Variants in MMP17 observed in about 807,000 individuals in gnomAD.
MMP17 encodes the protein matrix metalloproteinase-17.
In MMP17, 54 loss-of-function variants were observed where a neutral mutation model predicts 49.1. The observed-to-expected ratio is 1.10, with a 90% confidence interval of 0.88 to 1.38. The LOEUF (loss-of-function observed/expected upper bound fraction) is 1.38, where lower values mean the gene tolerates loss of function less well. Ranked by LOEUF, MMP17 falls within the 40% of genes most tolerant of loss-of-function variation. MMP17 has a pLI of 0.00. For synonymous variants in MMP17, 397 were observed against 383.1 expected, an observed-to-expected ratio of 1.04 and a Z score of -0.42; for missense variants, 837 against 853.7, an observed-to-expected ratio of 0.98 and a Z score of 0.24.
chr12:131,844,600 C>G, intron 6 of MMP17: 1 of 217,488 alleles, frequency 4.6e-6, no homozygotes, highest in Non-Finnish European at 9.2e-6. Context: ...GAAGCTGTGA[C>G]CTTGTGCCAC....
intron 1 of MMP17, among the ~76,000 whole-genome samples, chr12:131,828,861 C>T (rs1023769926): frequency 1.3e-5 from 2 of 152,002 alleles, no homozygotes; most frequent in Non-Finnish European, 2.9e-5. Context: ...CCTGGGGAGG[C>T]GCCGGCTGCC....
intron 6 of MMP17, 173 bp downstream of exon 6, chr12:131,844,254 C>T (rs1478568954): frequency 8.1e-6 from 5 of 617,324 alleles, no homozygotes; most frequent in Middle Eastern, 3.9e-4. Flanking sequence ...AATACCGGCC[C>T]TCCCCTGCCA....
intron 1 of MMP17, among the ~76,000 whole-genome samples, chr12:131,831,633 C>T (rs11613077): frequency 0.049 from 7,359 of 151,264 alleles, 250 homozygotes; most frequent in Middle Eastern, 0.16. Context: ...CCTTGCTCCG[C>T]GGTCCCCTTC....
chr12:131,828,629 C>A lies in MMP17; in HGVS notation c.135C>A (p.Arg45=). The A allele has an allele frequency of 1.4e-6, 1 of 731,122 alleles. No homozygotes were observed. The highest frequency in any genetic ancestry group is 1.7e-6 in the Non-Finnish European group (1 of 577,060). The allele number at this position is 731,122 out of a possible 1,614,324, so 45.3% of individuals were successfully genotyped here. Reference sequence around the variant, plus strand: ...GCGCCGCGCCCGCACCCGCGCCGCGCGCCGAGGACCTCAGCCTGGGAGTGG... The same window carrying A: ...GCGCCGCGCCCGCACCCGCGCCGCGAGCCGAGGACCTCAGCCTGGGAGTGG... ...GGCAAPAPAP[R]AEDLSLGVEW... is the part of the protein sequence containing the mutation. The change falls in exon 1 of 10, where the codon CGC becomes CGA. Residue 45 remains arginine (R), a synonymous_variant. Transcript: ENST00000360564.
At position 131,845,235 on chromosome 12, in the gene MMP17, G is replaced by A. The variant is rs746347708; in HGVS notation, c.1051+35G>A. ...GGGTTCCCGTGGCGGTTGGCTGAGG[G>A]CCATGGCCCACTCTGGGTGCAGACC... On this transcript the variant is annotated intron_variant, in intron 7 of 9. Transcript: ENST00000360564. 9 of 1,613,946 alleles carry A rather than the reference G, an allele frequency of 5.6e-6. No individual in the cohort carries two copies. The South Asian group carries it at 9.9e-5, about 18-fold the overall frequency.
intron 8 of MMP17, among the ~76,000 whole-genome samples, chr12:131,848,844 C>G (rs921969070): frequency 1.3e-5 from 2 of 152,208 alleles, no homozygotes; most frequent in African/African-American, 4.8e-5. Context: ...CTACTCTGGG[C>G]TCCTGTGAAG....
intron 6 of MMP17, chr12:131,844,310 C>T (rs1887579855): frequency 3.7e-6 from 2 of 541,252 alleles, no homozygotes; most frequent in African/African-American, 4.0e-5. Flanking sequence ...TTTCCTCTCC[C>T]CCTCGTCCCT....
chr12:131,849,431 C>T (rs111797475), intron 8 of MMP17, among the ~76,000 whole-genome samples: 1 of 152,282 alleles, frequency 6.6e-6, no homozygotes, highest in East Asian at 1.9e-4. Flanking sequence ...TGCAGTGAAC[C>T]GAGATCAAGT....
intron 1 of MMP17, among the ~76,000 whole-genome samples, chr12:131,829,545 C>CT (rs1452339363): frequency 1.3e-5 from 2 of 152,198 alleles, no homozygotes; most frequent in Non-Finnish European, 2.9e-5. Context: ...CAATGGACTC[C>CT]TACCCAGGGA....
In MMP17 at chr12:131,831,331, G is replaced by A. The variant is rs796890829; in HGVS notation, c.159+2678G>A. On this transcript the variant is annotated intron_variant, in intron 1 of 9. Coordinates refer to ENST00000360564, the MANE Select transcript of MMP17 (RefSeq NM_016155.7). ...CCCACGGCACAGTGGCAGCTCCCTT[G>A]ATCTTCTGTAGGAGGTGGGGTGGGG... Among the ~76,000 whole-genome samples the A allele has an allele frequency of 2.0e-5, 3 of 151,326 alleles. No homozygotes were observed. In the East Asian group the frequency reaches 5.9e-4, roughly 30 times the overall value.
rs201665600 is a variant in MMP17, at chr12:131,851,057, T to C, written c.1595T>C (p.Val532Ala). Residue 532 changes from valine (V) to alanine (A), a missense_variant, in exon 10 of 10, where the codon GTG becomes GCG. By Grantham distance (64) the Val-to-Ala change is moderately conservative (BLOSUM62 0). Transcript: ENST00000360564. ...GGAGACTCACAGGCCGATGGATCTG[T>C]GGCTGCGGGCGTGGACGCGGCAGAG... is the stretch of plus-strand genomic sequence containing the variant. ...VCGDSQADGS[V>A]AAGVDAAEGP... The C allele has an allele frequency of 1.2e-4, 197 of 1,608,306 alleles. No individual in the cohort carries two copies. The African/African-American group carries it at 2.2e-3, about 18-fold the overall frequency.
At chr12:131,831,670 A>T (rs932778996) in intron 1 of MMP17, among the ~76,000 whole-genome samples, 1 of 149,696 alleles carries the variant, frequency 6.7e-6, no homozygotes, top group Non-Finnish European at 1.5e-5. Context: ...GGCTCCGGGG[A>T]TGTTGTTTGC....
chr12:131,838,268 T>G lies in MMP17; in HGVS notation c.233T>G (p.Leu78Arg). Reference sequence around the variant, plus strand: ...GGGCAGCTGCAGACGCAAGAGGAGCTGTCTAAGGCCATCACAGCCATGCAG... The same window carrying G: ...GGGCAGCTGCAGACGCAAGAGGAGCGGTCTAAGGCCATCACAGCCATGCAG... ...TTGQLQTQEE[L>R]SKAITAMQQF... Residue 78 changes from leucine to arginine, a missense_variant, in exon 2 of 10, where the codon CTG becomes CGG. Physicochemically the swap from Leu to Arg is moderately radical, Grantham distance 102 (BLOSUM62 -2). Transcript: ENST00000360564. 1 of 1,613,214 alleles carries G rather than the reference T, an allele frequency of 6.2e-7. No individual in the cohort carries two copies.
At chr12:131,843,150 A>G (rs576956266) in intron 5 of MMP17, among the ~76,000 whole-genome samples, 2 of 150,070 alleles carry the variant, frequency 1.3e-5, no homozygotes, top group African/African-American at 2.5e-5. Flanking sequence ...TTTTTTTTTT[A>G]GTAGAGACGG....
intron 1 of MMP17, 87 bp from the exon 2 acceptor site, chr12:131,838,108 C>T: frequency 4.1e-6 from 6 of 1,475,566 alleles, no homozygotes; most frequent in East Asian, 4.6e-5. Flanking sequence ...GGGGCCTGCC[C>T]GGAAGCAGTG....
chr12:131,849,074 A>G (rs1158555764), intron 8 of MMP17, among the ~76,000 whole-genome samples: 1 of 152,152 alleles, frequency 6.6e-6, no homozygotes, highest in Non-Finnish European at 1.5e-5. Flanking sequence ...GACACAGGTG[A>G]CTTTCCACGT....
At chr12:131,837,575 G>T (rs1460504884) in intron 1 of MMP17, among the ~76,000 whole-genome samples, 2 of 152,204 alleles carry the variant, frequency 1.3e-5, no homozygotes, top group Admixed American at 6.5e-5. Context: ...TTTGACACTG[G>T]CCACATTTAA....
At position 131,849,971 on chromosome 12, in the gene MMP17, G is replaced by A. The variant is rs750337417; in HGVS notation, c.1374G>A (p.Thr458=). The change falls in exon 9 of 10, where the codon ACG becomes ACA. Residue 458 remains threonine, a synonymous_variant. Coordinates refer to ENST00000360564, the MANE Select transcript of MMP17 (RefSeq NM_016155.7). ...DQLYWRYDDH[T]RHMDPGYPAQ... Reference sequence around the variant, plus strand: ...TGTACTGGCGCTACGATGACCACACGAGGCACATGGACCCCGGCTACCCCG... The same window carrying A: ...TGTACTGGCGCTACGATGACCACACAAGGCACATGGACCCCGGCTACCCCG... 8.7e-6 allele frequency: 14 copies of A among 1,613,778 alleles called. No individual in the cohort carries two copies. The highest frequency in any genetic ancestry group is 2.2e-5 in the East Asian group (1 of 44,894).
intron 1 of MMP17, among the ~76,000 whole-genome samples, chr12:131,832,260 G>T (rs1294487400): frequency 3.0e-5 from 1 of 33,080 alleles, no homozygotes; most frequent in Admixed American, 2.9e-4. Flanking sequence ...GGGAAGGCTG[G>T]AGAGGATCTG....
Sources: allele counts gnomAD v4.1 joint callset (sites outside exome capture counted in the v4.1 genomes callset), GRCh38; gene constraint gnomAD v4.1.1; transcripts MANE v1.5; gene names NCBI Gene and HGNC (gene_info 2026-07-23, HGNC 2026-07-21).